Variants in AUTS2 observed in about 807,000 individuals in gnomAD.
The protein encoded by AUTS2 is activator of transcription and developmental regulator AUTS2, also known as autism susceptibility gene 2 protein.
Under a neutral mutation model 112.4 loss-of-function variants are expected in AUTS2, and 17 were observed. That is an observed-to-expected ratio of 0.15 (90% CI 0.10 to 0.23). The LOEUF (loss-of-function observed/expected upper bound fraction) is 0.23, where lower values mean the gene tolerates loss of function less well. AUTS2 is among the 10% of genes least tolerant of loss of function. The pLI is 1.00. For synonymous variants in AUTS2, 751 were observed against 702.7 expected (o/e 1.07, Z -1.09); for missense variants, 1,510 against 1,701.6 (o/e 0.89, Z 1.98).
rs139368195 is a variant in AUTS2, at chr7:70,625,149, C to T, written c.691-73420C>T. 2.3e-3 allele frequency among the ~76,000 whole-genome samples: 348 copies of T among 152,270 alleles called. 1 individual carries two copies. Among genetic ancestry groups the T allele is most frequent in the African/African-American group, 7.1e-3 (296 of 41,550 alleles). On this transcript the variant is annotated intron_variant, in intron 5 of 18. Transcript: ENST00000342771. ...CACTCACCACAGTAGCAATTAAGAA[C>T]ATTGATGCATAATGAATTAGAGATT...
intron 1 of AUTS2, among the ~76,000 whole-genome samples, chr7:69,707,103 A>C (rs1798093838): frequency 6.6e-6 from 1 of 152,106 alleles, no homozygotes; most frequent in South Asian, 2.1e-4. Context: ...CACATTTTAA[A>C]ATTTTCTTTT....
chr7:70,415,634 C>T (rs903786159), intron 4 of AUTS2, among the ~76,000 whole-genome samples: 1 of 152,154 alleles, frequency 6.6e-6, no homozygotes, highest in Non-Finnish European at 1.5e-5. Context: ...CGTAAGTGGC[C>T]TCCACTTGAT....
chr7:70,001,403 G>A (rs961883761), intron 2 of AUTS2, among the ~76,000 whole-genome samples: 4 of 152,072 alleles, frequency 2.6e-5, no homozygotes, highest in Admixed American at 1.3e-4. Context: ...TGGGATTACA[G>A]GTGCGAGACA....
intron 4 of AUTS2, among the ~76,000 whole-genome samples, chr7:70,399,544 G>C (rs543095606): frequency 6.6e-6 from 1 of 152,200 alleles, no homozygotes; most frequent in South Asian, 2.1e-4. Flanking sequence ...TTTAAGATTT[G>C]TTTTGTTTTG....
rs755821984 is a variant in AUTS2, at chr7:70,766,404, C to G, written c.1689+70C>G. ...CTTTTCTTTATGCAGCACGTGGGAC[C>G]GGGCTGGGCAGCGGGGCCACCAGAG... On this transcript the variant is annotated intron_variant, in intron 9 of 18. Transcript: ENST00000342771. This position sits in a 1 kb window ranked among gnomAD's most constrained non-coding sequence, Gnocchi z 4.8. 4 of 1,568,132 alleles carry G rather than the reference C, an allele frequency of 2.6e-6. No individual in the cohort carries two copies. The African/African-American group carries it at 5.4e-5, about 21-fold the overall frequency.
chr7:70,580,147 C>T (rs1339152009), intron 5 of AUTS2, among the ~76,000 whole-genome samples: 2 of 152,188 alleles, frequency 1.3e-5, no homozygotes, highest in African/African-American at 4.8e-5. Flanking sequence ...TCTTATCATT[C>T]AGTAGCCCAG....
At chr7:70,571,629 C>T (rs1407944953) in intron 5 of AUTS2, among the ~76,000 whole-genome samples, 2 of 152,240 alleles carry the variant, frequency 1.3e-5, no homozygotes, top group Non-Finnish European at 2.9e-5. Context: ...GCTTCCTGCT[C>T]AGGGAATCAG....
chr7:69,925,425 T>C (rs1264006322), intron 2 of AUTS2, among the ~76,000 whole-genome samples: 1 of 152,218 alleles, frequency 6.6e-6, no homozygotes, highest in African/African-American at 2.4e-5. Context: ...ACCCCAAATA[T>C]TCTGATCTGT....
intron 4 of AUTS2, among the ~76,000 whole-genome samples, chr7:70,203,340 A>G (rs1411295615): frequency 6.9e-5 from 2 of 28,878 alleles, no homozygotes; most frequent in East Asian, 4.1e-3. Context: ...AACTTAGAGT[A>G]TAATAAAAAA....
intron 2 of AUTS2, among the ~76,000 whole-genome samples, chr7:70,098,896 T>C (rs1804341374): frequency 6.6e-6 from 1 of 152,106 alleles, no homozygotes. Flanking sequence ...GAGATGGGGT[T>C]TCTCCATGTT....
At chr7:70,789,633 G>A in intron 18 of AUTS2, 115 bp from the exon 19 acceptor site, 9 of 1,276,706 alleles carry the variant, frequency 7.0e-6, no homozygotes, top group East Asian at 2.4e-5. Context: ...TGGCGACCAT[G>A]GGAAGCAGCC....
In AUTS2 at chr7:70,369,286, G is replaced by A. The variant is rs745633487; in HGVS notation, c.661-66466G>A. Among the ~76,000 whole-genome samples the A allele has an allele frequency of 4.8e-4, 73 of 152,180 alleles. 1 individual carries two copies. The highest frequency in any genetic ancestry group is 2.1e-3 in the Admixed American group (32 of 15,286). On this transcript the variant is annotated intron_variant, in intron 4 of 18. Transcript: ENST00000342771. ...TGCTGGCCTAGCACTTTGGCACTAG[G>A]TGTAATCGAGAGAAGTTTAGGACTT...
chr7:70,440,970 T>C (rs1796100092), intron 5 of AUTS2, among the ~76,000 whole-genome samples: 1 of 152,168 alleles, frequency 6.6e-6, no homozygotes, highest in Admixed American at 6.5e-5. Flanking sequence ...TTATAGTAAA[T>C]GTCAAAGGGA....
intron 4 of AUTS2, among the ~76,000 whole-genome samples, chr7:70,156,817 A>T (rs1157045080): frequency 1.4e-5 from 2 of 143,398 alleles, no homozygotes; most frequent in Non-Finnish European, 3.0e-5. Flanking sequence ...TGGGAAGCCG[A>T]GGCAGGTGGA....
chr7:70,137,434 A>G (rs1584777087), intron 4 of AUTS2, among the ~76,000 whole-genome samples: 2 of 152,182 alleles, frequency 1.3e-5, no homozygotes, highest in Non-Finnish European at 1.5e-5. Context: ...AAGAGGACTA[A>G]AACTTGTTAG....
rs5884776 is a variant in AUTS2 at position 70,238,664 on chromosome 7, G to GT, written c.660+104103dup. Reference sequence around the variant, plus strand: ...TACCCCCTCTGAGTTTATTATTAGTGTTTTTTTTTTAACTGTAGGAGGACT... The same window carrying GT: ...TACCCCCTCTGAGTTTATTATTAGTGTTTTTTTTTTTAACTGTAGGAGGACT... On this transcript the variant is annotated intron_variant, in intron 4 of 18. Transcript: ENST00000342771. 2.5e-3 allele frequency among the ~76,000 whole-genome samples: 377 copies of GT among 148,402 alleles called. 2 individuals carry two copies. Among genetic ancestry groups the GT allele is most frequent in the African/African-American group, 6.6e-3 (269 of 40,528 alleles).
intron 5 of AUTS2, among the ~76,000 whole-genome samples, chr7:70,602,587 G>C (rs543201394): frequency 6.6e-6 from 1 of 152,286 alleles, no homozygotes; most frequent in South Asian, 2.1e-4. Context: ...TCTCATTGAA[G>C]AAAAGTGTTT....
intron 1 of AUTS2, among the ~76,000 whole-genome samples, chr7:69,819,927 G>A (rs1208883305): frequency 1.3e-5 from 2 of 152,174 alleles, no homozygotes; most frequent in Non-Finnish European, 2.9e-5. Flanking sequence ...AACTCAACTA[G>A]CTTCATTATA....
intron 2 of AUTS2, among the ~76,000 whole-genome samples, chr7:69,911,099 C>T (rs1326612602): frequency 6.6e-6 from 1 of 152,194 alleles, no homozygotes; most frequent in Non-Finnish European, 1.5e-5. Flanking sequence ...ACAGCCAAGC[C>T]ATATCAGTGA....
Sources: allele counts gnomAD v4.1 joint callset (sites outside exome capture counted in the v4.1 genomes callset), GRCh38; gene constraint gnomAD v4.1.1; non-coding constraint Gnocchi (gnomAD v3.1); transcripts MANE v1.5; gene names NCBI Gene and HGNC (gene_info 2026-07-23, HGNC 2026-07-21).